Variants in PHF20 observed in about 807,000 individuals in gnomAD.
PHF20 encodes PHD finger protein 20.
PHF20 carries 23 observed loss-of-function variants against 113.5 expected under a neutral mutation model. That is an observed-to-expected ratio of 0.20 (90% CI 0.15 to 0.29). The LOEUF is 0.29. PHF20 is among the 10% of genes least tolerant of loss of function. The probability of loss-of-function intolerance (pLI) is 1.00; values close to 1 mark genes in which losing one functional copy is unlikely to be tolerated. For missense variants in PHF20, 943 were observed against 1,219.6 expected (o/e 0.77, Z 3.38); for synonymous variants, 434 against 457.3 (o/e 0.95, Z 0.65).
chr20:35,945,602 A>G (rs75664246), intron 17 of PHF20, among the ~76,000 whole-genome samples: 4,386 of 152,212 alleles, frequency 0.029, 80 homozygotes, highest in Non-Finnish European at 0.046. Context: ...GCTGCACTCC[A>G]GGGTCCAGAA....
intron 2 of PHF20, among the ~76,000 whole-genome samples, chr20:35,805,351 TTTTTTATTATTATTA>T (rs1233504749): frequency 9.4e-5 from 12 of 127,970 alleles, no homozygotes; most frequent in Non-Finnish European, 1.7e-4. Context: ...CCACGCCTGA[TTTTTTATTATTATTA>T]TTATTATTAT....
At chr20:35,804,763 T>A (rs1211959214) in intron 2 of PHF20, among the ~76,000 whole-genome samples, 1 of 152,170 alleles carries the variant, frequency 6.6e-6, no homozygotes, top group Non-Finnish European at 1.5e-5. Context: ...TGTGTGAATG[T>A]CTCTTTGTGC....
At chr20:35,832,710 T>C (rs1172057265) in intron 2 of PHF20, among the ~76,000 whole-genome samples, 1 of 152,144 alleles carries the variant, frequency 6.6e-6, no homozygotes, top group East Asian at 1.9e-4. Context: ...TGTTGTAACG[T>C]AGGGCCTGTC....
intron 9 of PHF20, among the ~76,000 whole-genome samples, chr20:35,891,974 A>T (rs1376453746): frequency 3.3e-5 from 5 of 151,858 alleles, no homozygotes. Flanking sequence ...GGTTCAAGCG[A>T]TTCACCTGCC....
At position 35,904,277 on chromosome 20, in the gene PHF20, ATTT is replaced by A. The variant is rs34412788; in HGVS notation, c.1561+4652_1561+4654del. ...TACCCCCTTTATGCTGAATGCTCTG[ATTT>A]TTTTTTTTTTTTTTTTTTTTTTGAG... On this transcript the variant is annotated intron_variant, in intron 10 of 17. Coordinates refer to ENST00000374012, the MANE Select transcript of PHF20 (RefSeq NM_016436.5). Among the ~76,000 whole-genome samples, 139 of 98,892 alleles carry A rather than the reference ATTT, an allele frequency of 1.4e-3. 1 individual carries two copies. Among genetic ancestry groups the A allele is most frequent in the Middle Eastern group, 0.014 (2 of 140 alleles). 64.9% of individuals were successfully genotyped at this position (98,892 alleles called of 152,430 possible).
chr20:35,897,369 T>C (rs908061659), intron 9 of PHF20, among the ~76,000 whole-genome samples: 7 of 152,124 alleles, frequency 4.6e-5, no homozygotes, highest in Non-Finnish European at 7.3e-5. Context: ...TTTCCTTACA[T>C]GTATACGATG....
intron 2 of PHF20, among the ~76,000 whole-genome samples, chr20:35,827,194 T>C (rs997753035): frequency 1.3e-5 from 2 of 152,148 alleles, no homozygotes; most frequent in African/African-American, 2.4e-5. Context: ...CTCTGCCTCC[T>C]GGGTTCAGGT....
chr20:35,785,413 G>A (rs1011706690), intron 1 of PHF20, among the ~76,000 whole-genome samples: 2 of 152,002 alleles, frequency 1.3e-5, no homozygotes, highest in African/African-American at 4.8e-5. Context: ...TCTGCCTCCT[G>A]GGTTCAAGCG....
chr20:35,797,489 G>A (rs2041688713), intron 1 of PHF20, among the ~76,000 whole-genome samples: 1 of 148,890 alleles, frequency 6.7e-6, no homozygotes, highest in Admixed American at 6.7e-5. Flanking sequence ...ACTCCAGTCT[G>A]GGCGACAGAG....
intron 13 of PHF20, among the ~76,000 whole-genome samples, chr20:35,925,651 G>A (rs62211757): frequency 1.2e-3 from 186 of 151,076 alleles, no homozygotes; most frequent in African/African-American, 1.5e-3. Context: ...AGGGTGCACT[G>A]TACATTGACT....
At chr20:35,915,532 G>A (rs1001890738) in intron 12 of PHF20, among the ~76,000 whole-genome samples, 4 of 151,852 alleles carry the variant, frequency 2.6e-5, no homozygotes, top group Non-Finnish European at 4.4e-5. Flanking sequence ...GATTACAGGT[G>A]TACGCCACCA....
intron 1 of PHF20, among the ~76,000 whole-genome samples, chr20:35,797,578 TA>T (rs912220524): frequency 6.7e-6 from 1 of 149,302 alleles, no homozygotes; most frequent in Admixed American, 6.7e-5. Flanking sequence ...CAGAATAAAA[TA>T]AAATTTTATC....
chr20:35,776,892 G>A (rs145222753), intron 1 of PHF20, among the ~76,000 whole-genome samples: 47 of 152,302 alleles, frequency 3.1e-4, no homozygotes, highest in Non-Finnish European at 6.2e-4. Flanking sequence ...AATCTTGGTC[G>A]CTACCTTGCT....
chr20:35,939,856 C>T (rs1204402241), intron 16 of PHF20, among the ~76,000 whole-genome samples: 2 of 152,162 alleles, frequency 1.3e-5, no homozygotes, highest in Non-Finnish European at 2.9e-5. Context: ...CCAAGGGGAT[C>T]CTAGATTACA....
intron 1 of PHF20, among the ~76,000 whole-genome samples, chr20:35,783,269 A>T (rs1350115991): frequency 6.6e-6 from 1 of 152,140 alleles, no homozygotes; most frequent in Non-Finnish European, 1.5e-5. Context: ...ATTTATGAGG[A>T]GTTGAGTATA....
chr20:35,929,517 T>C (rs1028945788), intron 14 of PHF20, among the ~76,000 whole-genome samples: 6 of 152,284 alleles, frequency 3.9e-5, no homozygotes, highest in African/African-American at 1.4e-4. Context: ...ACCTTTGCCT[T>C]GTAAAACAGG....
chr20:35,941,954 G>A (rs1276625357), intron 17 of PHF20, among the ~76,000 whole-genome samples: 2 of 152,120 alleles, frequency 1.3e-5, no homozygotes, highest in African/African-American at 4.8e-5. Flanking sequence ...CAGGGTGGAT[G>A]ATCTGGCTAG....
intron 9 of PHF20, among the ~76,000 whole-genome samples, chr20:35,889,390 C>T (rs1311503776): frequency 6.6e-6 from 1 of 151,862 alleles, no homozygotes; most frequent in African/African-American, 2.4e-5. Context: ...GAGACAGAGT[C>T]TCACTCTGTC....
intron 2 of PHF20, among the ~76,000 whole-genome samples, chr20:35,806,791 CTTTTT>C (rs751352334): frequency 8.8e-6 from 1 of 113,010 alleles, no homozygotes; most frequent in Non-Finnish European, 1.8e-5. Context: ...GACCTTTACT[CTTTTT>C]TTTTTTTTTT....
Sources: allele counts gnomAD v4.1 joint callset (sites outside exome capture counted in the v4.1 genomes callset), GRCh38; gene constraint gnomAD v4.1.1; transcripts MANE v1.5; gene names NCBI Gene and HGNC (gene_info 2026-07-23, HGNC 2026-07-21).